Variants in FHIT observed in about 807,000 individuals in gnomAD.
FHIT encodes the protein fragile histidine triad diadenosine triphosphatase, also known as bis(5'-adenosyl)-triphosphatase.
Under a neutral mutation model 17.9 loss-of-function variants are expected in FHIT, and 19 were observed. That is an observed-to-expected ratio of 1.06 (90% CI 0.74 to 1.56). FHIT has a LOEUF of 1.56. Ranked by LOEUF, FHIT falls within the 40% of genes most tolerant of loss-of-function variation. The pLI is 0.00. For missense variants in FHIT, 248 were observed against 189.2 expected (o/e 1.31, Z -1.82); for synonymous variants, 81 against 69.7 (o/e 1.16, Z -0.81).
intron 5 of FHIT, among the ~76,000 whole-genome samples, chr3:60,203,984 A>C (rs904625966): frequency 2.0e-5 from 3 of 152,084 alleles, no homozygotes; most frequent in African/African-American, 7.2e-5. Flanking sequence ...TGAGTATAAA[A>C]AATAGAAAGA....
intron 3 of FHIT, among the ~76,000 whole-genome samples, chr3:60,825,294 G>A (rs1702074458): frequency 6.6e-6 from 1 of 152,070 alleles, no homozygotes; most frequent in African/African-American, 2.4e-5. Flanking sequence ...CACCCTTAAA[G>A]GCAAATCAGT....
At chr3:60,065,838 CG>C (rs1351700371) in intron 5 of FHIT, among the ~76,000 whole-genome samples, 1 of 152,116 alleles carries the variant, frequency 6.6e-6, no homozygotes, top group Non-Finnish European at 1.5e-5. Flanking sequence ...GGGGAATACT[CG>C]GGGGAAGCAT....
chr3:60,162,327 T>C (rs1281218147), intron 5 of FHIT, among the ~76,000 whole-genome samples: 1 of 152,248 alleles, frequency 6.6e-6, no homozygotes, highest in African/African-American at 2.4e-5. Flanking sequence ...TATAGTCACC[T>C]GCCTATTTAA....
chr3:61,243,276 G>A (rs1030500055), intron 1 of FHIT, among the ~76,000 whole-genome samples: 4 of 152,112 alleles, frequency 2.6e-5, no homozygotes, highest in African/African-American at 9.7e-5. Flanking sequence ...TCTTTTCTAT[G>A]AAGGCCTCTG....
At chr3:59,856,536 G>A (rs1216478348) in intron 8 of FHIT, among the ~76,000 whole-genome samples, 2 of 152,150 alleles carry the variant, frequency 1.3e-5, no homozygotes, top group Non-Finnish European at 2.9e-5. Flanking sequence ...TCTCACAAAG[G>A]AATATAGATG....
intron 4 of FHIT, among the ~76,000 whole-genome samples, chr3:60,790,232 C>G (rs993740712): frequency 8.5e-5 from 13 of 152,154 alleles, no homozygotes; most frequent in African/African-American, 3.1e-4. Context: ...GCACCAAAGT[C>G]AACGGCAGGT....
chr3:60,367,198 A>G lies in FHIT; in HGVS notation c.103+169662T>C, dbSNP rs567605261. On this transcript the variant is annotated intron_variant, in intron 5 of 9. Coordinates refer to ENST00000492590, the MANE Select transcript of FHIT (RefSeq NM_002012.4). ...AGAGGATCAGTGTTTTTAATGTTTT[A>G]TCATTAGTTCCTTTCAATTAAGTCA... Among the ~76,000 whole-genome samples the G allele has an allele frequency of 6.6e-5, 10 of 152,270 alleles. No individual in the cohort carries two copies. In the South Asian group the frequency reaches 1.7e-3, roughly 25 times the overall value.
At chr3:60,501,996 GA>G (rs1220473984) in intron 5 of FHIT, among the ~76,000 whole-genome samples, 1 of 152,192 alleles carries the variant, frequency 6.6e-6, no homozygotes, top group African/African-American at 2.4e-5. Flanking sequence ...ACCCATGACT[GA>G]GAGACCGACG....
intron 5 of FHIT, among the ~76,000 whole-genome samples, chr3:60,039,621 CTCTTATT>C (rs1701355907): frequency 6.6e-6 from 1 of 152,180 alleles, no homozygotes; most frequent in South Asian, 2.1e-4. Context: ...TTTTCAATTT[CTCTTATT>C]TTTCTATACT....
intron 5 of FHIT, among the ~76,000 whole-genome samples, chr3:60,333,601 T>G (rs969169050): frequency 1.3e-5 from 2 of 152,170 alleles, no homozygotes; most frequent in African/African-American, 4.8e-5. Flanking sequence ...TAATATTGCA[T>G]GTCATATATA....
At chr3:59,899,505 A>T (rs1390167160) in intron 8 of FHIT, among the ~76,000 whole-genome samples, 1 of 152,108 alleles carries the variant, frequency 6.6e-6, no homozygotes, top group Non-Finnish European at 1.5e-5. Flanking sequence ...GTTAGGTGAT[A>T]TTGAAAGGAT....
intron 7 of FHIT, among the ~76,000 whole-genome samples, chr3:59,990,524 T>C (rs540438865): frequency 6.6e-6 from 1 of 152,240 alleles, no homozygotes; most frequent in African/African-American, 2.4e-5. Flanking sequence ...CAGATCTCAA[T>C]CCACTTTGCA....
At chr3:60,995,684 C>T (rs575807562) in intron 3 of FHIT, among the ~76,000 whole-genome samples, 1 of 152,184 alleles carries the variant, frequency 6.6e-6, no homozygotes, top group Non-Finnish European at 1.5e-5. Flanking sequence ...ATCCATTGCC[C>T]GCTTTAGGTC....
At chr3:60,708,132 A>T (rs928055527) in intron 4 of FHIT, among the ~76,000 whole-genome samples, 1 of 152,224 alleles carries the variant, frequency 6.6e-6, no homozygotes, top group Non-Finnish European at 1.5e-5. Context: ...CAAGGCTTAT[A>T]TTCAAGTATA....
intron 5 of FHIT, among the ~76,000 whole-genome samples, chr3:60,241,458 A>G (rs1053743705): frequency 6.6e-6 from 1 of 152,166 alleles, no homozygotes; most frequent in Non-Finnish European, 1.5e-5. Context: ...GTATGAAAAA[A>G]ATATTTATTT....
At chr3:60,415,091 G>C (rs1702196134) in intron 5 of FHIT, among the ~76,000 whole-genome samples, 1 of 152,214 alleles carries the variant, frequency 6.6e-6, no homozygotes, top group Admixed American at 6.5e-5. Flanking sequence ...TTCTGATGCT[G>C]GTAGATTAAG....
At chr3:60,278,632 C>G (rs889648680) in intron 5 of FHIT, among the ~76,000 whole-genome samples, 1 of 151,876 alleles carries the variant, frequency 6.6e-6, no homozygotes, top group African/African-American at 2.4e-5. Flanking sequence ...ACAAAAAATA[C>G]GAGCACACAG....
intron 3 of FHIT, among the ~76,000 whole-genome samples, chr3:60,949,785 T>A (rs2107453154): frequency 6.6e-6 from 1 of 152,292 alleles, no homozygotes; most frequent in South Asian, 2.1e-4. Flanking sequence ...AAAAGCAGAA[T>A]TAAAATGAAA....
At chr3:60,002,511 C>A (rs1699768965) in intron 7 of FHIT, among the ~76,000 whole-genome samples, 1 of 152,176 alleles carries the variant, frequency 6.6e-6, no homozygotes, top group Non-Finnish European at 1.5e-5. Flanking sequence ...CCAGCACTAA[C>A]ATAATTGACT....
Sources: gnomAD v4.1 joint callset for allele counts (sites outside exome capture counted in the v4.1 genomes callset) on GRCh38, gnomAD v4.1.1 for gene constraint, MANE v1.5 for transcripts, NCBI Gene and HGNC (gene_info 2026-07-23, HGNC 2026-07-21) for gene names.